Variants in SFN observed in about 807,000 individuals in gnomAD.
SFN encodes the protein stratifin.
SFN carries 5 observed loss-of-function variants against 19.1 expected under a neutral mutation model. The ratio of observed to expected loss-of-function variants is 0.26; its 90% CI spans 0.14 to 0.55. The LOEUF is 0.55. Ranked by LOEUF, SFN falls within the 20% of genes least tolerant of loss-of-function variation. SFN has a pLI of 0.94. For missense variants in SFN, 287 were observed against 330.0 expected, an observed-to-expected ratio of 0.87 and a Z score of 1.01; for synonymous variants, 130 against 140.9, an observed-to-expected ratio of 0.92 and a Z score of 0.55.
Position 26,863,355 on chromosome 1 carries a change from A to T in SFN, c.143A>T (p.Tyr48Phe). Reference protein sequence around the residue: ...CEERNLLSVAYKNVVGGQRAA... With the variant: ...CEERNLLSVAFKNVVGGQRAA... ...GAGCGAAACCTGCTCTCAGTAGCCT[A>T]TAAGAACGTGGTGGGCGGCCAGAGG... The change falls in exon 1 of 1, where the codon TAT becomes TTT. Residue 48 changes from tyrosine (Y) to phenylalanine (F), a missense_variant. By Grantham distance (22) the Tyr-to-Phe change is conservative. Transcript: ENST00000339276. This position sits in a 1 kb window ranked among gnomAD's most constrained non-coding sequence, Gnocchi z 7.4. 7 of 1,614,118 alleles carry T rather than the reference A, an allele frequency of 4.3e-6. No individual in the cohort carries two copies. Among genetic ancestry groups the T allele is most frequent in the Non-Finnish European group, 5.9e-6 (7 of 1,179,982 alleles).
At position 26,863,515 on chromosome 1, in the gene SFN, C is replaced by T. The variant is rs752357911; in HGVS notation, c.303C>T (p.Gly101=). The T allele has an allele frequency of 1.2e-6, 2 of 1,613,960 alleles. No individual in the cohort carries two copies. The highest frequency in any genetic ancestry group is 1.7e-6 in the Non-Finnish European group (2 of 1,179,956). ...ELQGVCDTVL[G]LLDSHLIKEA... is the part of the protein sequence containing the mutation. ...AGGGCGTGTGCGACACCGTGCTGGG[C>T]CTGCTGGACAGCCACCTCATCAAGG... Residue 101 remains glycine, a synonymous_variant, in exon 1 of 1, where the codon GGC becomes GGT. Transcript: ENST00000339276. The surrounding 1 kb of genome is among the most constrained non-coding windows in gnomAD (Gnocchi z 7.4).
rs1367921010 is a variant in SFN, at chr1:26,863,573, C to G, written c.361C>G (p.Leu121Val). 6.2e-7 allele frequency: 1 copy of G among 1,613,970 alleles called. No individual in the cohort carries two copies. The highest frequency in any genetic ancestry group is 8.5e-7 in the Non-Finnish European group (1 of 1,179,992). The stretch of plus-strand genomic sequence containing the variant: ...GGACGCCGAGAGCCGGGTCTTCTAC[C>G]TGAAGATGAAGGGTGACTACTACCG... ...AGDAESRVFY[L>V]KMKGDYYRYL... The change falls in exon 1 of 1, where the codon CTG (leucine) becomes GTG (valine). Residue 121 changes from leucine to valine, a missense_variant. By Grantham distance (32) the Leu-to-Val change is conservative (BLOSUM62 1). Coordinates refer to ENST00000339276, the MANE Select transcript of SFN (RefSeq NM_006142.5). This position sits in a 1 kb window ranked among gnomAD's most constrained non-coding sequence, Gnocchi z 7.4.
chr1:26,863,998 CCCCA>C lies in SFN; in HGVS notation c.*43_*46del. The C allele has an allele frequency of 6.7e-7, 1 of 1,495,600 alleles. No individual in the cohort carries two copies. Among genetic ancestry groups the C allele is most frequent in the South Asian group, 1.3e-5 (1 of 77,634 alleles). 92.6% of individuals were successfully genotyped at this position (1,495,600 alleles called of 1,614,324 possible). A position where few individuals can be genotyped will look rare whatever the true frequency, so the allele number is the denominator to read the frequency against. The stretch of plus-strand genomic sequence containing the variant: ...CCGCCCCGCCCTGCCCCCTCCAGTC[CCCCA>C]CCCTGCCGAGAGGACTAGTATGGGG... On this transcript the variant is annotated 3_prime_UTR_variant, in exon 1 of 1. Coordinates refer to ENST00000339276, the MANE Select transcript of SFN (RefSeq NM_006142.5). The surrounding 1 kb of genome is among the most constrained non-coding windows in gnomAD (Gnocchi z 7.4).
In SFN at chr1:26,864,159, A is replaced by C; in HGVS notation, c.*200A>C. Reference sequence around the variant, plus strand: ...TTGCAGCTGTTGAGCGCACCTAACCACTGGTCATGCCCCCACCCCTGCTCT... The same window carrying C: ...TTGCAGCTGTTGAGCGCACCTAACCCCTGGTCATGCCCCCACCCCTGCTCT... On this transcript the variant is annotated 3_prime_UTR_variant, in exon 1 of 1. Transcript: ENST00000339276. This position sits in a 1 kb window ranked among gnomAD's most constrained non-coding sequence, Gnocchi z 5.2. The C allele has an allele frequency of 3.4e-6, 2 of 583,910 alleles. No individual in the cohort carries two copies. The highest frequency in any genetic ancestry group is 2.9e-5 in the East Asian group (1 of 34,266). The allele number at this position is 583,910 out of a possible 1,614,324, so 36.2% of individuals were successfully genotyped here. A position where few individuals can be genotyped will look rare whatever the true frequency, so the allele number is the denominator to read the frequency against.
In SFN at chr1:26,864,040, C is replaced by T; in HGVS notation, c.*81C>T. On this transcript the variant is annotated 3_prime_UTR_variant, in exon 1 of 1. Coordinates refer to ENST00000339276, the MANE Select transcript of SFN (RefSeq NM_006142.5). The surrounding 1 kb of genome is among the most constrained non-coding windows in gnomAD (Gnocchi z 5.2). ...GACTAGTATGGGGTGGGAGGCCCCA[C>T]CCTTCTCCCCTAGGCGCTGTTCTTG... 11 of 1,221,338 alleles carry T rather than the reference C, an allele frequency of 9.0e-6. No homozygotes were observed. The highest frequency in any genetic ancestry group is 1.2e-5 in the Non-Finnish European group (11 of 886,770). 75.7% of individuals were successfully genotyped at this position (1,221,338 alleles called of 1,614,324 possible).
rs1178370728 is a variant in SFN, at chr1:26,863,365, G to C, written c.153G>C (p.Val51=). The change falls in exon 1 of 1, where the codon GTG becomes GTC. Residue 51 remains valine (V), a synonymous_variant. Transcript: ENST00000339276. This position sits in a 1 kb window ranked among gnomAD's most constrained non-coding sequence, Gnocchi z 7.4. ...TGCTCTCAGTAGCCTATAAGAACGT[G>C]GTGGGCGGCCAGAGGGCTGCCTGGA... The part of the protein sequence containing the change: ...RNLLSVAYKN[V]VGGQRAAWRV... 2 of 1,613,908 alleles carry C rather than the reference G, an allele frequency of 1.2e-6. No homozygotes were observed. The highest frequency in any genetic ancestry group is 1.7e-6 in the Non-Finnish European group (2 of 1,179,916).
Position 26,864,152 on chromosome 1 carries a change from C to T in SFN, c.*193C>T. The T allele has an allele frequency of 1.6e-6, 1 of 609,874 alleles. No individual in the cohort carries two copies. The allele number at this position is 609,874 out of a possible 1,614,324, so 37.8% of individuals were successfully genotyped here. ...ACTCTTCTTGCAGCTGTTGAGCGCA[C>T]CTAACCACTGGTCATGCCCCCACCC... On this transcript the variant is annotated 3_prime_UTR_variant, in exon 1 of 1. Transcript: ENST00000339276. The surrounding 1 kb of genome is among the most constrained non-coding windows in gnomAD (Gnocchi z 5.2).
chr1:26,863,226 G>A lies in SFN; in HGVS notation c.14G>A (p.Ser5Asn), dbSNP rs1444841133. Residue 5 changes from serine (S) to asparagine (N), a missense_variant, in exon 1 of 1, where the codon AGT becomes AAT. Ser to Asn is a conservative substitution (Grantham distance 46). Coordinates refer to ENST00000339276, the MANE Select transcript of SFN (RefSeq NM_006142.5). This position sits in a 1 kb window ranked among gnomAD's most constrained non-coding sequence, Gnocchi z 7.4. ...GTCCCCAGAGCCATGGAGAGAGCCA[G>A]TCTGATCCAGAAGGCCAAGCTGGCA... MERA[S>N]LIQKAKLAEQ... 2 of 1,614,042 alleles carry A rather than the reference G, an allele frequency of 1.2e-6. No homozygotes were observed. The highest frequency in any genetic ancestry group is 2.2e-5 in the East Asian group (1 of 44,900).
chr1:26,864,183 C>G lies in SFN; in HGVS notation c.*224C>G. 1 of 553,468 alleles carries G rather than the reference C, an allele frequency of 1.8e-6. No homozygotes were observed. Among genetic ancestry groups the G allele is most frequent in the Non-Finnish European group, 3.3e-6 (1 of 303,450 alleles). The allele number at this position is 553,468 out of a possible 1,614,324, so 34.3% of individuals were successfully genotyped here. A position where few individuals can be genotyped will look rare whatever the true frequency, so the allele number is the denominator to read the frequency against. The stretch of plus-strand genomic sequence containing the variant: ...CACTGGTCATGCCCCCACCCCTGCT[C>G]TCCGCACCCGCTTCCTCCCGACCCC... On this transcript the variant is annotated 3_prime_UTR_variant, in exon 1 of 1. Coordinates refer to ENST00000339276, the MANE Select transcript of SFN (RefSeq NM_006142.5). This position sits in a 1 kb window ranked among gnomAD's most constrained non-coding sequence, Gnocchi z 5.2.
chr1:26,863,807 G>A lies in SFN; in HGVS notation c.595G>A (p.Asp199Asn). ...EAISLAKTTF[D>N]EAMADLHTLS... is the part of the protein sequence containing the mutation. ...CATCTCTCTGGCCAAGACCACTTTCGACGAGGCCATGGCTGATCTGCACAC... is the reference window on the plus strand; with the variant it reads ...CATCTCTCTGGCCAAGACCACTTTCAACGAGGCCATGGCTGATCTGCACAC... Residue 199 changes from aspartate to asparagine, a missense_variant, in exon 1 of 1, where the codon GAC becomes AAC. Asp to Asn is a conservative substitution (Grantham distance 23). Transcript: ENST00000339276. The surrounding 1 kb of genome is among the most constrained non-coding windows in gnomAD (Gnocchi z 7.4). 1 of 1,613,910 alleles carries A rather than the reference G, an allele frequency of 6.2e-7. No individual in the cohort carries two copies. The highest frequency in any genetic ancestry group is 8.5e-7 in the Non-Finnish European group (1 of 1,179,988).
chr1:26,864,305 T>A lies in SFN; in HGVS notation c.*346T>A. ...AGTGTCCCGCCTTGTGGCTGAGAACTGGACAGTGGCAGGGGCTGGAGATGG... is the reference window on the plus strand; with the variant it reads ...AGTGTCCCGCCTTGTGGCTGAGAACAGGACAGTGGCAGGGGCTGGAGATGG... On this transcript the variant is annotated 3_prime_UTR_variant, in exon 1 of 1. Transcript: ENST00000339276. This position sits in a 1 kb window ranked among gnomAD's most constrained non-coding sequence, Gnocchi z 5.2. 1 of 338,370 alleles carries A rather than the reference T, an allele frequency of 3.0e-6. No homozygotes were observed. Among genetic ancestry groups the A allele is most frequent in the Non-Finnish European group, 5.8e-6 (1 of 171,974 alleles). The allele number at this position is 338,370 out of a possible 1,614,324, so 21.0% of individuals were successfully genotyped here. A position where few individuals can be genotyped will look rare whatever the true frequency, so the allele number is the denominator to read the frequency against.
chr1:26,864,390 A>G lies in SFN; in HGVS notation c.*431A>G, dbSNP rs189757868. 22 of 181,964 alleles carry G rather than the reference A, an allele frequency of 1.2e-4. No individual in the cohort carries two copies. Among genetic ancestry groups the G allele is most frequent in the Admixed American group, 2.4e-4 (4 of 16,416 alleles). 11.3% of individuals were successfully genotyped at this position (181,964 alleles called of 1,614,324 possible). A position where few individuals can be genotyped will look rare whatever the true frequency, so the allele number is the denominator to read the frequency against. ...GCGCGCGCGCCAGTGCAAGACCGAG[A>G]TTGAGGGAAAGCATGTCTGCTGGGT... On this transcript the variant is annotated 3_prime_UTR_variant, in exon 1 of 1. Transcript: ENST00000339276. This position sits in a 1 kb window ranked among gnomAD's most constrained non-coding sequence, Gnocchi z 5.2.
rs761167385 is a variant in SFN, at chr1:26,863,945, G to C, written c.733G>C (p.Glu245Gln). 1.2e-6 allele frequency: 2 copies of C among 1,610,724 alleles called. No individual in the cohort carries two copies. Among genetic ancestry groups the C allele is most frequent in the African/African-American group, 2.7e-5 (2 of 75,014 alleles). The stretch of plus-strand genomic sequence containing the variant: ...GGAAGAGGGGGGCGAGGCTCCCCAG[G>C]AGCCCCAGAGCTGAGTGTTGCCCGC... ...AGEEGGEAPQ[E>Q]PQS Residue 245 changes from glutamate to glutamine, a missense_variant, in exon 1 of 1, where the codon GAG becomes CAG. Physicochemically the swap from Glu to Gln is conservative, Grantham distance 29 (BLOSUM62 2). Coordinates refer to ENST00000339276, the MANE Select transcript of SFN (RefSeq NM_006142.5). This position sits in a 1 kb window ranked among gnomAD's most constrained non-coding sequence, Gnocchi z 7.4.
Position 26,863,333 on chromosome 1 carries a change from C to T in SFN, c.121C>T (p.Arg41Ter), listed in dbSNP as rs1349120961. Residue 41 changes from arginine (R) to a stop codon, truncating the protein, a stop_gained, in exon 1 of 1, where the codon CGA becomes TGA. Coordinates refer to ENST00000339276, the MANE Select transcript of SFN (RefSeq NM_006142.5). LOFTEE classifies it high-confidence loss of function. The surrounding 1 kb of genome is among the most constrained non-coding windows in gnomAD (Gnocchi z 7.4). The stretch of plus-strand genomic sequence containing the variant: ...GGGCGAGGAGCTCTCCTGCGAAGAG[C>T]GAAACCTGCTCTCAGTAGCCTATAA... ...EKGEELSCEE[R>*]NLLSVAYKNV... The T allele has an allele frequency of 6.2e-7, 1 of 1,614,168 alleles. No individual in the cohort carries two copies. The highest frequency in any genetic ancestry group is 8.5e-7 in the Non-Finnish European group (1 of 1,180,032).
Position 26,863,848 on chromosome 1 carries a change from C to G in SFN, c.636C>G (p.Ser212=). 1 of 1,614,146 alleles carries G rather than the reference C, an allele frequency of 6.2e-7. No homozygotes were observed. The part of the protein sequence containing the change: ...MADLHTLSED[S]YKDSTLIMQL... ...ATCTGCACACCCTCAGCGAGGACTC[C>G]TACAAAGACAGCACCCTCATCATGC... The change falls in exon 1 of 1, where the codon TCC becomes TCG. Residue 212 remains serine (S), a synonymous_variant. Coordinates refer to ENST00000339276, the MANE Select transcript of SFN (RefSeq NM_006142.5). This position sits in a 1 kb window ranked among gnomAD's most constrained non-coding sequence, Gnocchi z 7.4.
rs764533155 is a variant in SFN, at chr1:26,864,010, G to A, written c.*51G>A. ...GCCCCCTCCAGTCCCCCACCCTGCC[G>A]AGAGGACTAGTATGGGGTGGGAGGC... On this transcript the variant is annotated 3_prime_UTR_variant, in exon 1 of 1. Transcript: ENST00000339276. The surrounding 1 kb of genome is among the most constrained non-coding windows in gnomAD (Gnocchi z 5.2). 8 of 1,402,634 alleles carry A rather than the reference G, an allele frequency of 5.7e-6. No homozygotes were observed. Among genetic ancestry groups the A allele is most frequent in the Non-Finnish European group, 7.6e-6 (8 of 1,049,854 alleles). 86.9% of individuals were successfully genotyped at this position (1,402,634 alleles called of 1,614,324 possible).
At position 26,863,911 on chromosome 1, in the gene SFN, C is replaced by A. The variant is rs769330167; in HGVS notation, c.699C>A (p.Asp233Glu). The part of the protein sequence containing the change: ...LRDNLTLWTA[D>E]NAGEEGGEAP... ...ACAACCTGACACTGTGGACGGCCGACAACGCCGGGGAAGAGGGGGGCGAGG... is the reference window on the plus strand; with the variant it reads ...ACAACCTGACACTGTGGACGGCCGAAAACGCCGGGGAAGAGGGGGGCGAGG... Residue 233 changes from aspartate to glutamate, a missense_variant, in exon 1 of 1, where the codon GAC (aspartate) becomes GAA (glutamate). Asp to Glu is a conservative substitution (Grantham distance 45). Coordinates refer to ENST00000339276, the MANE Select transcript of SFN (RefSeq NM_006142.5). The surrounding 1 kb of genome is among the most constrained non-coding windows in gnomAD (Gnocchi z 7.4). 1 of 1,614,016 alleles carries A rather than the reference C, an allele frequency of 6.2e-7. No homozygotes were observed. Among genetic ancestry groups the A allele is most frequent in the East Asian group, 2.2e-5 (1 of 44,876 alleles).
rs2081774868 is a variant in SFN at position 26,864,186 on chromosome 1, C to T, written c.*227C>T. 7 of 545,416 alleles carry T rather than the reference C, an allele frequency of 1.3e-5. No individual in the cohort carries two copies. In the South Asian group the frequency reaches 1.9e-4, roughly 15 times the overall value. 33.8% of individuals were successfully genotyped at this position (545,416 alleles called of 1,614,324 possible). ...TGGTCATGCCCCCACCCCTGCTCTC[C>T]GCACCCGCTTCCTCCCGACCCCAGG... On this transcript the variant is annotated 3_prime_UTR_variant, in exon 1 of 1. Coordinates refer to ENST00000339276, the MANE Select transcript of SFN (RefSeq NM_006142.5). This position sits in a 1 kb window ranked among gnomAD's most constrained non-coding sequence, Gnocchi z 5.2.
In SFN at chr1:26,864,031, G is replaced by C. The variant is rs1184869773; in HGVS notation, c.*72G>C. On this transcript the variant is annotated 3_prime_UTR_variant, in exon 1 of 1. Transcript: ENST00000339276. This position sits in a 1 kb window ranked among gnomAD's most constrained non-coding sequence, Gnocchi z 5.2. ...TGCCGAGAGGACTAGTATGGGGTGG[G>C]AGGCCCCACCCTTCTCCCCTAGGCG... is the stretch of plus-strand genomic sequence containing the variant. 2.3e-6 allele frequency: 3 copies of C among 1,315,210 alleles called. No homozygotes were observed. The highest frequency in any genetic ancestry group is 3.1e-6 in the Non-Finnish European group (3 of 967,916). The allele number at this position is 1,315,210 out of a possible 1,614,324, so 81.5% of individuals were successfully genotyped here.
Sources: allele counts gnomAD v4.1 joint callset, GRCh38; gene constraint gnomAD v4.1.1; non-coding constraint Gnocchi (gnomAD v3.1); transcripts MANE v1.5; gene names NCBI Gene and HGNC (gene_info 2026-07-23, HGNC 2026-07-21).